Variants in LZTS1 observed in about 807,000 individuals in gnomAD.
LZTS1 encodes leucine zipper putative tumor suppressor 1.
Under a neutral mutation model 45.8 loss-of-function variants are expected in LZTS1, and 31 were observed. That is an observed-to-expected ratio of 0.68 (90% CI 0.51 to 0.91). The LOEUF (loss-of-function observed/expected upper bound fraction) is 0.91, where lower values mean the gene tolerates loss of function less well. Ranked by LOEUF, LZTS1 falls within the 40% of genes least tolerant of loss-of-function variation. The pLI is 0.00. For missense variants in LZTS1, 821 were observed against 788.9 expected, an observed-to-expected ratio of 1.04 and a Z score of -0.49; for synonymous variants, 359 against 357.3, an observed-to-expected ratio of 1.00 and a Z score of -0.05.
intron 1 of LZTS1, among the ~76,000 whole-genome samples, chr8:20,260,044 C>A (rs1212104524): frequency 6.6e-6 from 1 of 152,094 alleles, no homozygotes; most frequent in Non-Finnish European, 1.5e-5. Context: ...GGGATGACGG[C>A]ACATACCATT....
chr8:20,262,754 A>G (rs1308601116), intron 1 of LZTS1, among the ~76,000 whole-genome samples: 1 of 152,168 alleles, frequency 6.6e-6, no homozygotes, highest in Non-Finnish European at 1.5e-5. Context: ...AGAGGCGAGC[A>G]ATGCTGTTAA....
In LZTS1 at chr8:20,303,888, G is replaced by A. The variant is rs546702072; in HGVS notation, c.-283C>T. The A allele has an allele frequency of 2.8e-4, 275 of 984,874 alleles. No homozygotes were observed. The African/African-American group carries it at 2.9e-3, about 11-fold the overall frequency. 61.0% of individuals were successfully genotyped at this position (984,874 alleles called of 1,614,324 possible). On this transcript the variant is annotated 5_prime_UTR_variant, in exon 1 of 4. Transcript: ENST00000381569. The stretch of plus-strand genomic sequence containing the variant: ...AGCTCCCGGCTCCCACTCACTGGCC[G>A]AGGCGGGCAGAGAAACTTTCGGCCT...
chr8:20,288,212 G>A (rs955408131), intron 1 of LZTS1, among the ~76,000 whole-genome samples: 10 of 152,266 alleles, frequency 6.6e-5, no homozygotes, highest in South Asian at 6.2e-4. Flanking sequence ...CCACACAGCT[G>A]GGGGATTCTG....
chr8:20,268,893 C>G (rs1159821766), intron 1 of LZTS1, among the ~76,000 whole-genome samples: 1 of 152,046 alleles, frequency 6.6e-6, no homozygotes, highest in South Asian at 2.1e-4. Flanking sequence ...GTCGAACAAT[C>G]GGAAGCAATT....
chr8:20,302,288 G>A (rs549820474), intron 1 of LZTS1, among the ~76,000 whole-genome samples: 1 of 152,240 alleles, frequency 6.6e-6, no homozygotes, highest in Non-Finnish European at 1.5e-5. Flanking sequence ...CGCCTGATTA[G>A]CCTGCATGCT....
chr8:20,252,593 G>A (rs1799956754), intron 3 of LZTS1, among the ~76,000 whole-genome samples, 189 bp downstream of exon 3: 1 of 152,238 alleles, frequency 6.6e-6, no homozygotes, highest in East Asian at 1.9e-4. Context: ...ACAGGAGGAA[G>A]CTCAGATGTA....
intron 1 of LZTS1, among the ~76,000 whole-genome samples, chr8:20,300,786 C>G (rs1388972902): frequency 6.6e-6 from 1 of 152,032 alleles, no homozygotes; most frequent in African/African-American, 2.4e-5. Context: ...GAGGAAAAAA[C>G]AGAGGAAACT....
chr8:20,277,080 C>T (rs534484733), intron 1 of LZTS1, among the ~76,000 whole-genome samples: 9 of 152,326 alleles, frequency 5.9e-5, no homozygotes, highest in African/African-American at 2.2e-4. Flanking sequence ...GCAGAAGATA[C>T]AGGTCATAAA....
At chr8:20,255,721 T>A (rs945357973) in intron 1 of LZTS1, among the ~76,000 whole-genome samples, 1 of 151,636 alleles carries the variant, frequency 6.6e-6, no homozygotes, top group Non-Finnish European at 1.5e-5. Flanking sequence ...TTCTGGGAGG[T>A]GGCTGTTTTA....
intron 1 of LZTS1, among the ~76,000 whole-genome samples, chr8:20,288,409 C>T (rs1800835003): frequency 6.6e-6 from 1 of 152,136 alleles, no homozygotes; most frequent in Non-Finnish European, 1.5e-5. Context: ...CAGCAGTGCC[C>T]AGTCCAGGGC....
intron 1 of LZTS1, among the ~76,000 whole-genome samples, chr8:20,271,725 C>G (rs572048615): frequency 5.3e-5 from 8 of 152,380 alleles, no homozygotes; most frequent in African/African-American, 1.9e-4. Context: ...CTCCCTCCCC[C>G]TTGCCTTCCT....
intron 1 of LZTS1, among the ~76,000 whole-genome samples, chr8:20,255,867 G>C (rs1300793626): frequency 6.6e-6 from 1 of 151,932 alleles, no homozygotes; most frequent in Non-Finnish European, 1.5e-5. Context: ...TTGAGTCCAG[G>C]AGTTCGAGAC....
rs1162192576 is a variant in LZTS1, at chr8:20,249,135, G to C, written c.*587C>G. On this transcript the variant is annotated 3_prime_UTR_variant, in exon 4 of 4. Coordinates refer to ENST00000381569, the MANE Select transcript of LZTS1 (RefSeq NM_021020.5). ...TGTGGCAGGGTCTCCACACTGCTGG[G>C]CTGCCTGTCTCTCCCCTCCTTCCTG... 6.5e-6 allele frequency: 1 copy of C among 153,798 alleles called. No homozygotes were observed. Among genetic ancestry groups the C allele is most frequent in the Non-Finnish European group, 1.4e-5 (1 of 69,016 alleles). The allele number at this position is 153,798 out of a possible 1,614,324, so 9.5% of individuals were successfully genotyped here.
chr8:20,257,868 T>A (rs1179032648), intron 1 of LZTS1, among the ~76,000 whole-genome samples: 2 of 152,106 alleles, frequency 1.3e-5, no homozygotes, highest in African/African-American at 4.8e-5. Context: ...GAGATGGGGT[T>A]TTCCCATGTT....
At chr8:20,251,106 T>C (rs1474671366) in intron 3 of LZTS1, among the ~76,000 whole-genome samples, 57 of 15,822 alleles carry the variant, frequency 3.6e-3, no homozygotes, top group Admixed American at 1.9e-3. Context: ...CTAATATATA[T>C]ATATATATAT....
chr8:20,267,627 T>G (rs1057089380), intron 1 of LZTS1, among the ~76,000 whole-genome samples: 2 of 152,202 alleles, frequency 1.3e-5, no homozygotes. Flanking sequence ...GTGACTCTTC[T>G]GCCTCAGCCT....
At chr8:20,293,670 C>T (rs192839221) in intron 1 of LZTS1, among the ~76,000 whole-genome samples, 3 of 152,280 alleles carry the variant, frequency 2.0e-5, no homozygotes, top group Admixed American at 1.3e-4. Context: ...CAGTAGCTCA[C>T]GCCTATAATC....
In LZTS1 at chr8:20,253,453, G is replaced by A; in HGVS notation, c.478C>T (p.Gln160Ter). 6.2e-7 allele frequency: 1 copy of A among 1,610,424 alleles called. No individual in the cohort carries two copies. Among genetic ancestry groups the A allele is most frequent in the Non-Finnish European group, 8.5e-7 (1 of 1,178,664 alleles). ...HPAPPDKPKE[Q>*]ELKPGLCSGA... ...GAGCACAGGCCAGGCTTCAGCTCCTGCTCCTTGGGCTTGTCTGGAGGGGCG... is the reference window on the plus strand; with the variant it reads ...GAGCACAGGCCAGGCTTCAGCTCCTACTCCTTGGGCTTGTCTGGAGGGGCG... The change falls in exon 3 of 4, where the codon CAG (glutamine) becomes TAG (stop). Residue 160 changes from glutamine to a stop codon, truncating the protein, a stop_gained. Coordinates refer to ENST00000381569, the MANE Select transcript of LZTS1 (RefSeq NM_021020.5). LOFTEE classifies it high-confidence loss of function.
At chr8:20,272,820 C>T (rs963973777) in intron 1 of LZTS1, among the ~76,000 whole-genome samples, 35 of 152,336 alleles carry the variant, frequency 2.3e-4, no homozygotes, top group African/African-American at 8.4e-4. Flanking sequence ...GCGTGACTCT[C>T]GTCAACGCCA....
Sources: gnomAD v4.1 joint callset for allele counts (sites outside exome capture counted in the v4.1 genomes callset) on GRCh38, gnomAD v4.1.1 for gene constraint, MANE v1.5 for transcripts, NCBI Gene and HGNC (gene_info 2026-07-23, HGNC 2026-07-21) for gene names.